FGGY: variants seen among roughly 807,000 people sequenced by gnomAD.
FGGY encodes FGGY carbohydrate kinase domain-containing protein.
Under a neutral mutation model 71.3 loss-of-function variants are expected in FGGY, and 72 were observed. That is an observed-to-expected ratio of 1.01 (90% CI 0.84 to 1.23). The LOEUF is 1.23. Ranked by LOEUF, FGGY falls within the 50% of genes most tolerant of loss-of-function variation. The probability of loss-of-function intolerance (pLI) is 0.00; values close to 1 mark genes in which losing one functional copy is unlikely to be tolerated. For missense variants in FGGY, 668 were observed against 682.3 expected, an observed-to-expected ratio of 0.98 and a Z score of 0.23; for synonymous variants, 251 against 250.3, an observed-to-expected ratio of 1.00 and a Z score of -0.02.
chr1:59,332,537 G>A (rs1384592850), intron 2 of FGGY, among the ~76,000 whole-genome samples: 1 of 152,144 alleles, frequency 6.6e-6, no homozygotes. Flanking sequence ...TGATCATAAG[G>A]CATTTCCTTG....
intron 14 of FGGY, among the ~76,000 whole-genome samples, chr1:59,734,044 A>G (rs949742637): frequency 1.3e-5 from 2 of 152,186 alleles, no homozygotes; most frequent in Non-Finnish European, 2.9e-5. Flanking sequence ...TCCGCGTGGT[A>G]TGGCCCTGCC....
chr1:59,343,609 G>A (rs867091321), intron 3 of FGGY, among the ~76,000 whole-genome samples: 1 of 152,096 alleles, frequency 6.6e-6, no homozygotes, highest in Non-Finnish European at 1.5e-5. Flanking sequence ...CAGAACTGTG[G>A]CACATTCTTC....
chr1:59,672,476 G>C (rs2097389595), intron 13 of FGGY, among the ~76,000 whole-genome samples: 1 of 152,228 alleles, frequency 6.6e-6, no homozygotes, highest in East Asian at 1.9e-4. Flanking sequence ...GGCTTAAAGA[G>C]TGTAAGTGAC....
chr1:59,711,682 C>T (rs368703333), intron 14 of FGGY, among the ~76,000 whole-genome samples: 14 of 152,304 alleles, frequency 9.2e-5, no homozygotes, highest in South Asian at 8.3e-4. Context: ...ACATGAATGA[C>T]GGCAAGCAAA....
chr1:59,683,296 G>C (rs1474538942), intron 14 of FGGY, among the ~76,000 whole-genome samples: 2 of 152,294 alleles, frequency 1.3e-5, no homozygotes, highest in African/African-American at 4.8e-5. Context: ...CTCAAATTCA[G>C]ATCTTACTCC....
intron 5 of FGGY, among the ~76,000 whole-genome samples, chr1:59,409,532 A>C (rs942661329): frequency 2.6e-5 from 4 of 151,772 alleles, no homozygotes; most frequent in Admixed American, 1.3e-4. Context: ...ATGTGTCCCC[A>C]GCACTACTGA....
chr1:59,492,629 C>CT (rs1438470083), intron 6 of FGGY, among the ~76,000 whole-genome samples: 1 of 151,960 alleles, frequency 6.6e-6, no homozygotes. Flanking sequence ...TTCACTTTAA[C>CT]TTTTTTACTT....
At chr1:59,298,329 T>TG (rs900745611) in intron 1 of FGGY, among the ~76,000 whole-genome samples, 55 of 151,898 alleles carry the variant, frequency 3.6e-4, no homozygotes, top group African/African-American at 1.3e-3. Flanking sequence ...TAAGGATGAT[T>TG]GGGGGAACAG....
intron 6 of FGGY, among the ~76,000 whole-genome samples, chr1:59,505,263 T>G (rs1038022906): frequency 6.6e-6 from 1 of 152,216 alleles, no homozygotes; most frequent in Non-Finnish European, 1.5e-5. Flanking sequence ...TACTTGAGCG[T>G]AGGGGCCTTA....
intron 7 of FGGY, among the ~76,000 whole-genome samples, chr1:59,529,981 C>A (rs1338053358): frequency 6.6e-6 from 1 of 151,986 alleles, no homozygotes; most frequent in Non-Finnish European, 1.5e-5. Context: ...AGTATTTTTC[C>A]TTTTTAATTT....
At chr1:59,699,265 C>G (rs2097690052) in intron 14 of FGGY, 6 of 984,870 alleles carry the variant, frequency 6.1e-6, no homozygotes, top group Non-Finnish European at 7.2e-6. Flanking sequence ...TGGGGTGAGC[C>G]TTTGAGTTTA....
intron 11 of FGGY, among the ~76,000 whole-genome samples, chr1:59,650,304 G>A (rs2097144601): frequency 7.1e-6 from 1 of 140,372 alleles, no homozygotes; most frequent in Admixed American, 7.0e-5. Flanking sequence ...TCTATTGATT[G>A]GAATAGTTTC....
intron 7 of FGGY, among the ~76,000 whole-genome samples, chr1:59,517,583 G>A (rs929965978): frequency 2.6e-5 from 4 of 152,060 alleles, no homozygotes; most frequent in Non-Finnish European, 4.4e-5. Flanking sequence ...CTTGAATCCT[G>A]TTCTCCTCTG....
At position 59,667,392 on chromosome 1, in the gene FGGY, C is replaced by T. The variant is rs370260097; in HGVS notation, c.1406C>T (p.Ala469Val). The change falls in exon 13 of 16, where the codon GCG becomes GTG. Residue 469 changes from alanine to valine, a missense_variant. Physicochemically the swap from Ala to Val is moderately conservative, Grantham distance 64. Transcript: ENST00000303721. Reference sequence around the variant, plus strand: ...AATCCCCTTTTTGTGCAAATGCATGCGGACATTACTGGTAAGTCTGGGAAA... The same window carrying T: ...AATCCCCTTTTTGTGCAAATGCATGTGGACATTACTGGTAAGTCTGGGAAA... The part of the protein sequence containing the change: ...SKNPLFVQMH[A>V]DITGMPVVLS... 158 of 1,613,878 alleles carry T rather than the reference C, an allele frequency of 9.8e-5. No individual in the cohort carries two copies. Among genetic ancestry groups the T allele is most frequent in the African/African-American group, 2.8e-4 (21 of 74,890 alleles).
At chr1:59,577,392 A>G (rs2096100111) in intron 8 of FGGY, among the ~76,000 whole-genome samples, 2 of 152,198 alleles carry the variant, frequency 1.3e-5, no homozygotes, top group African/African-American at 4.8e-5. Flanking sequence ...CTGTCTTTCA[A>G]TTTATATATG....
intron 8 of FGGY, among the ~76,000 whole-genome samples, chr1:59,600,412 G>A (rs1408296242): frequency 6.6e-6 from 1 of 152,152 alleles, no homozygotes; most frequent in African/African-American, 2.4e-5. Context: ...TCAGGAGCAA[G>A]GCCTGAGTGT....
At chr1:59,426,529 C>G (rs938202192) in intron 5 of FGGY, among the ~76,000 whole-genome samples, 4 of 152,118 alleles carry the variant, frequency 2.6e-5, no homozygotes, top group African/African-American at 9.7e-5. Flanking sequence ...GTTTTAATTT[C>G]AAAAAGTGAT....
intron 14 of FGGY, among the ~76,000 whole-genome samples, chr1:59,686,249 T>C (rs181483085): frequency 3.7e-4 from 56 of 152,242 alleles, no homozygotes; most frequent in Non-Finnish European, 7.4e-4. Flanking sequence ...TTGGCCAGCT[T>C]TGCAAACAAA....
chr1:59,372,895 T>A (rs1213797191), intron 4 of FGGY, among the ~76,000 whole-genome samples: 2 of 152,228 alleles, frequency 1.3e-5, no homozygotes, highest in East Asian at 3.9e-4. Flanking sequence ...AATTAGGTAT[T>A]GATGGGACAT....
Sources: gnomAD v4.1 joint callset for allele counts (sites outside exome capture counted in the v4.1 genomes callset) on GRCh38, gnomAD v4.1.1 for gene constraint, MANE v1.5 for transcripts, NCBI Gene and HGNC (gene_info 2026-07-23, HGNC 2026-07-21) for gene names.